STT3B: variants seen among roughly 807,000 people sequenced by gnomAD.
The protein encoded by STT3B is STT3 oligosaccharyltransferase complex catalytic subunit B, also known as dolichyl-diphosphooligosaccharide--protein glycosyltransferase subunit STT3B.
In STT3B, 29 loss-of-function variants were observed where a neutral mutation model predicts 96.8. That is an observed-to-expected ratio of 0.30 (90% CI 0.22 to 0.41). STT3B has a LOEUF of 0.41. Among genes scored for constraint, STT3B ranks in the 10% least tolerant of loss-of-function variants. The pLI, the probability that STT3B is intolerant of heterozygous loss-of-function variation, is 1.00. For missense variants in STT3B, 640 were observed against 1,022.3 expected (o/e 0.63, Z 5.10); for synonymous variants, 367 against 360.0 (o/e 1.02, Z -0.22).
intron 1 of STT3B, among the ~76,000 whole-genome samples, chr3:31,575,736 C>T (rs1698249284): frequency 6.6e-6 from 1 of 151,954 alleles, no homozygotes. Flanking sequence ...AGGGGATTGA[C>T]CTGACTGAGT....
intron 11 of STT3B, among the ~76,000 whole-genome samples, chr3:31,624,359 T>C (rs1416034678): frequency 6.6e-6 from 1 of 152,234 alleles, no homozygotes; most frequent in African/African-American, 2.4e-5. Flanking sequence ...TTTTCCAGAA[T>C]ATTTCTGCAT....
At chr3:31,604,282 T>C (rs1698999656) in intron 5 of STT3B, among the ~76,000 whole-genome samples, 1 of 152,174 alleles carries the variant, frequency 6.6e-6, no homozygotes. Context: ...TTATATATTT[T>C]GTGAATAAAG....
intron 15 of STT3B, among the ~76,000 whole-genome samples, chr3:31,635,071 G>A (rs1699733140): frequency 6.6e-6 from 1 of 152,140 alleles, no homozygotes; most frequent in Non-Finnish European, 1.5e-5. Context: ...CATGATGCAG[G>A]ATTTACCCAG....
intron 4 of STT3B, among the ~76,000 whole-genome samples, chr3:31,600,105 A>G (rs118110408): frequency 2.6e-5 from 4 of 152,250 alleles, no homozygotes; most frequent in East Asian, 3.9e-4. Flanking sequence ...CAGCTTTTCT[A>G]TTAAATCTAA....
chr3:31,542,874 C>T (rs1299879820), intron 1 of STT3B, among the ~76,000 whole-genome samples: 1 of 152,056 alleles, frequency 6.6e-6, no homozygotes, highest in Non-Finnish European at 1.5e-5. Flanking sequence ...CAAGACTAGC[C>T]TGGCCAACAT....
chr3:31,550,182 T>C (rs955329834), intron 1 of STT3B, among the ~76,000 whole-genome samples: 6 of 152,256 alleles, frequency 3.9e-5, no homozygotes, highest in African/African-American at 7.2e-5. Context: ...TAAGAGATGG[T>C]ACTAAAATAG....
chr3:31,624,627 T>A (rs1326780929), intron 11 of STT3B, among the ~76,000 whole-genome samples: 2 of 151,852 alleles, frequency 1.3e-5, no homozygotes, highest in Non-Finnish European at 2.9e-5. Flanking sequence ...ATTAGGCTTG[T>A]ACACTATTAG....
intron 3 of STT3B, among the ~76,000 whole-genome samples, chr3:31,580,511 A>G (rs1375174942): frequency 1.3e-5 from 2 of 152,186 alleles, no homozygotes; most frequent in African/African-American, 2.4e-5. Flanking sequence ...TGTGTATGAA[A>G]TATGATGCTA....
chr3:31,551,781 TTA>T (rs1346673160), intron 1 of STT3B, among the ~76,000 whole-genome samples: 2 of 152,182 alleles, frequency 1.3e-5, no homozygotes, highest in African/African-American at 4.8e-5. Flanking sequence ...GCTTCCGTGA[TTA>T]TGTGACGTTG....
intron 15 of STT3B, 170 bp downstream of exon 15, chr3:31,633,317 A>C (rs1325209644): frequency 3.1e-6 from 2 of 645,536 alleles, no homozygotes; most frequent in Non-Finnish European, 5.1e-6. Context: ...ATTCCTTTCA[A>C]ACTGAGCACT....
intron 3 of STT3B, among the ~76,000 whole-genome samples, chr3:31,582,274 G>T (rs544159778): frequency 7.7e-4 from 113 of 146,462 alleles, no homozygotes; most frequent in African/African-American, 2.6e-3. Flanking sequence ...GAAGCTTTGG[G>T]TTTAGTTTGT....
intron 1 of STT3B, among the ~76,000 whole-genome samples, chr3:31,571,884 T>A (rs527856037): frequency 1.3e-5 from 2 of 149,626 alleles, no homozygotes; most frequent in South Asian, 4.2e-4. Context: ...GTTCATGATA[T>A]GTTATAAATT....
Position 31,560,790 on chromosome 3 carries a change from A to T in STT3B, c.315-15606A>T, listed in dbSNP as rs114811428. 1.0e-3 allele frequency among the ~76,000 whole-genome samples: 152 copies of T among 152,234 alleles called. 1 individual carries two copies. Among genetic ancestry groups the T allele is most frequent in the African/African-American group, 3.6e-3 (148 of 41,548 alleles). ...TGAGCCTTGTGTCTCTGGATGTCCA[A>T]ATCTCTTGCTAGACTTGGGAAGTTT... is the stretch of plus-strand genomic sequence containing the variant. On this transcript the variant is annotated intron_variant, in intron 1 of 15. Coordinates refer to ENST00000295770, the MANE Select transcript of STT3B (RefSeq NM_178862.3).
At chr3:31,610,294 G>A (rs767164826) in intron 5 of STT3B, among the ~76,000 whole-genome samples, 40 of 152,094 alleles carry the variant, frequency 2.6e-4, no homozygotes, top group African/African-American at 8.4e-4. Flanking sequence ...GTATCTACCC[G>A]TTGTGTGTGT....
chr3:31,554,129 C>T (rs1165842741), intron 1 of STT3B, among the ~76,000 whole-genome samples: 1 of 152,138 alleles, frequency 6.6e-6, no homozygotes. Flanking sequence ...TTGCCAACCA[C>T]AGTTTGAGAT....
chr3:31,611,240 C>G (rs1699172486), intron 5 of STT3B, among the ~76,000 whole-genome samples: 1 of 152,080 alleles, frequency 6.6e-6, no homozygotes, highest in Admixed American at 6.5e-5. Context: ...TTTTATAGAG[C>G]CTTTCCCCCA....
At chr3:31,607,088 A>G (rs1445434267) in intron 5 of STT3B, among the ~76,000 whole-genome samples, 2 of 152,052 alleles carry the variant, frequency 1.3e-5, no homozygotes, top group Non-Finnish European at 2.9e-5. Flanking sequence ...GGCTGGGTGT[A>G]TTTATCGAGT....
chr3:31,583,727 G>T (rs1698467681), intron 3 of STT3B, among the ~76,000 whole-genome samples: 1 of 152,094 alleles, frequency 6.6e-6, no homozygotes, highest in Non-Finnish European at 1.5e-5. Context: ...TCGTAAAGAG[G>T]TACTGATTTC....
rs375650375 is a variant in STT3B at position 31,554,706 on chromosome 3, T to C, written c.314+21394T>C. Among the ~76,000 whole-genome samples, 8 of 152,264 alleles carry C rather than the reference T, an allele frequency of 5.3e-5. No individual in the cohort carries two copies. In the South Asian group the frequency reaches 6.2e-4, roughly 12 times the overall value. On this transcript the variant is annotated intron_variant, in intron 1 of 15. Transcript: ENST00000295770. ...ATAATTTTGAAATTCTGCAAAACTTTTATGCACTCTTTTCTGGTAAGAGAA... is the reference window on the plus strand; with the variant it reads ...ATAATTTTGAAATTCTGCAAAACTTCTATGCACTCTTTTCTGGTAAGAGAA...
Sources: gnomAD v4.1 joint callset for allele counts (sites outside exome capture counted in the v4.1 genomes callset) on GRCh38, gnomAD v4.1.1 for gene constraint, MANE v1.5 for transcripts, NCBI Gene and HGNC (gene_info 2026-07-23, HGNC 2026-07-21) for gene names.